PARG: variants seen among roughly 807,000 people sequenced by gnomAD.
PARG encodes poly(ADP-ribose) glycohydrolase.
A neutral mutation model predicts 113.0 loss-of-function variants in PARG; 35 were observed. The observed-to-expected ratio is 0.31, with a 90% confidence interval of 0.24 to 0.41. PARG has a LOEUF of 0.41. Ranked by LOEUF, PARG falls within the 10% of genes least tolerant of loss-of-function variation. The pLI is 1.00. For synonymous variants in PARG, 330 were observed against 409.9 expected (o/e 0.81, Z 2.36); for missense variants, 797 against 1,169.4 (o/e 0.68, Z 4.64).
chr10:49,865,602 T>G (rs1846468597), intron 10 of PARG, among the ~76,000 whole-genome samples: 1 of 145,384 alleles, frequency 6.9e-6, no homozygotes, highest in African/African-American at 2.5e-5. Flanking sequence ...AAACTCCTTC[T>G]ATAAAATAAT....
At chr10:49,868,253 C>T (rs1456527936) in intron 10 of PARG, among the ~76,000 whole-genome samples, 1 of 152,204 alleles carries the variant, frequency 6.6e-6, no homozygotes, top group Non-Finnish European at 1.5e-5. Context: ...TCCCAAAGTG[C>T]TGGGATTACA....
At chr10:49,839,056 G>T (rs1042782612) in intron 15 of PARG, among the ~76,000 whole-genome samples, 10 of 152,138 alleles carry the variant, frequency 6.6e-5, no homozygotes, top group Admixed American at 3.9e-4. Context: ...AGTTATTTAG[G>T]CCAGGCGTGG....
At chr10:49,931,890 C>T (rs1244668638) in intron 4 of PARG, among the ~76,000 whole-genome samples, 23 of 152,340 alleles carry the variant, frequency 1.5e-4, no homozygotes, top group Middle Eastern at 3.4e-3. Flanking sequence ...TCACCATCAG[C>T]TGATAATGAT....
In PARG at chr10:49,857,393, C is replaced by A; in HGVS notation, c.2266G>T (p.Glu756Ter). The change falls in exon 13 of 18, where the codon GAA (glutamate) becomes TAA (stop). Residue 756 changes from glutamate to a stop codon, truncating the protein, a stop_gained. Coordinates refer to ENST00000616448, the MANE Select transcript of PARG (RefSeq NM_003631.5). LOFTEE classifies it high-confidence loss of function. ...GVTSAGLVQE[E>*]IRFLINPELI... ...TCAGGATTGATTAAAAAGCGGATTT[C>A]TTCTTGCACAAGTCCTGCACTGGTT... The A allele has an allele frequency of 6.3e-7, 1 of 1,598,166 alleles. No individual in the cohort carries two copies. Among genetic ancestry groups the A allele is most frequent in the Non-Finnish European group, 8.6e-7 (1 of 1,168,616 alleles).
At chr10:49,830,658 A>G (rs559067399) in intron 16 of PARG, among the ~76,000 whole-genome samples, 1 of 152,290 alleles carries the variant, frequency 6.6e-6, no homozygotes, top group African/African-American at 2.4e-5. Context: ...GCAATTCACA[A>G]AACAAACAAA....
At chr10:49,829,651 A>C (rs1405150849) in intron 16 of PARG, among the ~76,000 whole-genome samples, 7 of 151,936 alleles carry the variant, frequency 4.6e-5, no homozygotes, top group Non-Finnish European at 8.8e-5. Flanking sequence ...AAATGAAAAA[A>C]CCCCCAACAA....
chr10:49,891,825 C>T (rs1427909692), intron 7 of PARG, among the ~76,000 whole-genome samples: 1 of 150,694 alleles, frequency 6.6e-6, no homozygotes, highest in Non-Finnish European at 1.5e-5. Context: ...TGGGGTTGCA[C>T]CATGTTGGCC....
intron 7 of PARG, among the ~76,000 whole-genome samples, chr10:49,885,554 C>G (rs1847435348): frequency 6.6e-6 from 1 of 152,030 alleles, no homozygotes; most frequent in Non-Finnish European, 1.5e-5. Flanking sequence ...GTAAGTATCC[C>G]AAATATCAAA....
At chr10:49,891,713 T>G (rs1847817018) in intron 7 of PARG, among the ~76,000 whole-genome samples, 1 of 139,494 alleles carries the variant, frequency 7.2e-6, no homozygotes, top group Non-Finnish European at 1.5e-5. Context: ...CACTGCAACC[T>G]CCACCTCCCA....
At chr10:49,869,359 T>C in intron 10 of PARG, 117 bp downstream of exon 10, 1 of 673,264 alleles carries the variant, frequency 1.5e-6, no homozygotes, top group South Asian at 1.7e-5. Flanking sequence ...TTACTAGTGT[T>C]TCAATGTGGT....
chr10:49,931,340 T>G (rs1365037645), intron 4 of PARG, among the ~76,000 whole-genome samples: 44 of 152,084 alleles, frequency 2.9e-4, no homozygotes, highest in Non-Finnish European at 5.3e-4. Context: ...ACTAACAAAA[T>G]AGCCACAAGA....
intron 16 of PARG, among the ~76,000 whole-genome samples, chr10:49,827,126 G>C: frequency 6.6e-6 from 1 of 152,112 alleles, no homozygotes; most frequent in East Asian, 1.9e-4. Context: ...AGGGAAGGAG[G>C]GTCTTTCTGG....
chr10:49,828,092 CAAAAAAAA>C (rs71026274), intron 16 of PARG, among the ~76,000 whole-genome samples: 2 of 50,368 alleles, frequency 4.0e-5, no homozygotes, highest in Admixed American at 3.3e-4. Context: ...AAAGCTTAAA[CAAAAAAAA>C]AAAAAAAAAA....
At chr10:49,922,253 ACC>A (rs1269675213) in intron 6 of PARG, 81 bp downstream of exon 6, 5 of 1,400,992 alleles carry the variant, frequency 3.6e-6, no homozygotes, top group Non-Finnish European at 3.9e-6. Context: ...CAATGTTGCT[ACC>A]TGAGTCTATT....
intron 15 of PARG, among the ~76,000 whole-genome samples, chr10:49,833,774 C>T (rs1439943533): frequency 3.9e-5 from 6 of 152,108 alleles, no homozygotes; most frequent in African/African-American, 1.4e-4. Context: ...AATACAGCAG[C>T]AAAGCAAAAC....
At position 49,922,545 on chromosome 10, in the gene PARG, A is replaced by C. The variant is rs2812992; in HGVS notation, c.1578+2T>G. The C allele has an allele frequency of 8.6e-4, 1,389 of 1,609,146 alleles. No homozygotes were observed. The highest frequency in any genetic ancestry group is 7.6e-3 in the East Asian group (340 of 44,486). Reference sequence around the variant, plus strand: ...CTAAAAGAATCTCGGTTTTGTTCTTACCTCATCTTCCACTGGGTACAAATT... The same window carrying C: ...CTAAAAGAATCTCGGTTTTGTTCTTCCCTCATCTTCCACTGGGTACAAATT... On this transcript the variant is annotated splice_donor_variant, in intron 5 of 17. Transcript: ENST00000616448. LOFTEE classifies it high-confidence loss of function.
At chr10:49,939,936 C>T (rs2133013302) in intron 1 of PARG, among the ~76,000 whole-genome samples, 1 of 152,328 alleles carries the variant, frequency 6.6e-6, no homozygotes, top group African/African-American at 2.4e-5. Context: ...GAAATGATCT[C>T]CTTTGTCTGA....
At chr10:49,834,539 A>G (rs1554830787) in intron 15 of PARG, among the ~76,000 whole-genome samples, 1 of 152,244 alleles carries the variant, frequency 6.6e-6, no homozygotes, top group African/African-American at 2.4e-5. Flanking sequence ...CTGGAAAATT[A>G]TCTATCTTGA....
At chr10:49,840,633 T>C (rs1845181406) in intron 15 of PARG, among the ~76,000 whole-genome samples, 1 of 152,132 alleles carries the variant, frequency 6.6e-6, no homozygotes, top group South Asian at 2.1e-4. Flanking sequence ...ATTTGAGAAC[T>C]CTAAACATTA....
Sources: gnomAD v4.1 joint callset for allele counts (sites outside exome capture counted in the v4.1 genomes callset) on GRCh38, gnomAD v4.1.1 for gene constraint, MANE v1.5 for transcripts, NCBI Gene and HGNC (gene_info 2026-07-23, HGNC 2026-07-21) for gene names.